Variants in CASK observed in about 807,000 individuals in gnomAD.
The protein encoded by CASK is calcium/calmodulin dependent serine protein kinase, also known as peripheral plasma membrane protein CASK.
Under a neutral mutation model 82.9 loss-of-function variants are expected in CASK, and 4 were observed. The observed-to-expected ratio is 0.05, with a 90% CI of 0.02 to 0.11. The LOEUF is 0.11. Among genes scored for constraint, CASK ranks in the 10% least tolerant of loss-of-function variants. The pLI, the probability that CASK is intolerant of heterozygous loss-of-function variation, is 1.00. For missense variants in CASK, 358 were observed against 720.9 expected (o/e 0.50, Z 5.76); for synonymous variants, 259 against 253.5 (o/e 1.02, Z -0.20).
Position 41,641,632 on chromosome X carries a change from C to CT in CASK, c.832-4972dup, listed in dbSNP as rs767974605. On this transcript the variant is annotated intron_variant, in intron 8 of 26. Transcript: ENST00000378163. ...TATTACTTGGTCTAACACTCAAATT[C>CT]TTTTTTGATGTGAAATAAGTGAATA... is the stretch of plus-strand genomic sequence containing the variant. Among the ~76,000 whole-genome samples the CT allele has an allele frequency of 2.7e-5, 3 of 111,403 alleles. No homozygotes were observed. In the South Asian group the frequency reaches 1.1e-3, roughly 42 times the overall value.
chrX:41,623,601 G>C (rs1362524172), intron 10 of CASK, among the ~76,000 whole-genome samples: 2 of 110,661 alleles, frequency 1.8e-5, no homozygotes, highest in African/African-American at 6.6e-5. Context: ...AGTAGAGATG[G>C]GGGTTTCACC....
rs1474672635 is a variant in CASK at position 41,516,483 on chromosome X, G to A, written c.*3937C>T. The A allele has an allele frequency of 8.9e-6, 1 of 112,853 alleles. No individual in the cohort carries two copies. Among genetic ancestry groups the A allele is most frequent in the Non-Finnish European group, 1.9e-5 (1 of 53,406 alleles). 9.3% of individuals were successfully genotyped at this position (112,853 alleles called of 1,213,427 possible). A position where few individuals can be genotyped will look rare whatever the true frequency, so the allele number is the denominator to read the frequency against. On this transcript the variant is annotated 3_prime_UTR_variant, in exon 27 of 27. Transcript: ENST00000378163. ...GCTTGTAGCCTTTCTGTAAGCTGCA[G>A]TGAGAAGGAAAGCATCTTTTAATAG...
chrX:41,794,436 A>T (rs2069801390), intron 2 of CASK, among the ~76,000 whole-genome samples: 1 of 112,467 alleles, frequency 8.9e-6, no homozygotes, highest in Non-Finnish European at 1.9e-5. Context: ...AGTTTGTCTA[A>T]AAGGTGCAAT....
At chrX:41,784,291 AAG>A (rs2069538699) in intron 3 of CASK, among the ~76,000 whole-genome samples, 1 of 112,042 alleles carries the variant, frequency 8.9e-6, no homozygotes, top group Admixed American at 9.5e-5. Context: ...AAGCAAAACA[AAG>A]AGAGTTTGAG....
At chrX:41,531,577 T>TA (rs2064804621) in intron 24 of CASK, among the ~76,000 whole-genome samples, 2 of 111,677 alleles carry the variant, frequency 1.8e-5, no homozygotes, top group Non-Finnish European at 3.8e-5. Context: ...AAAAGGAGAA[T>TA]AAAAAAATGG....
intron 25 of CASK, among the ~76,000 whole-genome samples, chrX:41,526,559 C>T (rs753423164): frequency 5.3e-5 from 6 of 112,266 alleles, no homozygotes; most frequent in Non-Finnish European, 9.4e-5. Context: ...GCACTGCATT[C>T]ACACCCTTGG....
chrX:41,733,872 C>A (rs1024826630), intron 5 of CASK, among the ~76,000 whole-genome samples: 24 of 111,602 alleles, frequency 2.2e-4, no homozygotes, highest in African/African-American at 7.2e-4. Context: ...GTAAAAGAAA[C>A]ATCAGTAACG....
chrX:41,624,304 C>T (rs1362244393), intron 10 of CASK: 2 of 349,395 alleles, frequency 5.7e-6, no homozygotes, highest in Admixed American at 5.7e-5. Context: ...CCTATAAACA[C>T]AACTAGATCC....
chrX:41,626,739 C>G, intron 9 of CASK, 36 bp from the exon 10 acceptor site: 1 of 816,210 alleles, frequency 1.2e-6, no homozygotes, highest in Non-Finnish European at 1.8e-6. Flanking sequence ...ATTATTAAAA[C>G]AAATACACAA....
chrX:41,680,845 G>A (rs1281719997), intron 5 of CASK, among the ~76,000 whole-genome samples: 2 of 110,504 alleles, frequency 1.8e-5, no homozygotes, highest in Non-Finnish European at 1.9e-5. Context: ...AACCTGGGAG[G>A]TGGAGGTTGC....
At chrX:41,749,376 ATTT>A (rs35045589) in intron 3 of CASK, among the ~76,000 whole-genome samples, 1 of 72,385 alleles carries the variant, frequency 1.4e-5, no homozygotes, top group Admixed American at 1.6e-4. Context: ...TTCTTCACCA[ATTT>A]TTTTTTTTTT....
At chrX:41,707,783 C>T (rs2067908452) in intron 5 of CASK, among the ~76,000 whole-genome samples, 1 of 110,886 alleles carries the variant, frequency 9.0e-6, no homozygotes, top group Admixed American at 9.7e-5. Context: ...AGTAACAAAC[C>T]ACTTGTTCTA....
chrX:41,527,258 A>T (rs1483437513), intron 25 of CASK, among the ~76,000 whole-genome samples: 8 of 109,018 alleles, frequency 7.3e-5, no homozygotes, highest in South Asian at 4.0e-4. Context: ...AGAGAGAGAG[A>T]GTGTGTGTGT....
chrX:41,635,296 T>A (rs771716406), intron 9 of CASK, among the ~76,000 whole-genome samples: 1 of 112,214 alleles, frequency 8.9e-6, no homozygotes, highest in African/African-American at 3.2e-5. Context: ...TCAAAATTCA[T>A]ATAAATGTTT....
chrX:41,830,330 C>T (rs1214012246), intron 2 of CASK, among the ~76,000 whole-genome samples: 2 of 111,140 alleles, frequency 1.8e-5, no homozygotes, highest in Non-Finnish European at 3.8e-5. Flanking sequence ...TTTTGTCCAT[C>T]TCTGAGACTT....
At chrX:41,906,172 C>G (rs994388432) in intron 1 of CASK, among the ~76,000 whole-genome samples, 1 of 112,131 alleles carries the variant, frequency 8.9e-6, no homozygotes, top group Non-Finnish European at 1.9e-5. Context: ...TGTTCAGTCA[C>G]TTCTTCCCCT....
chrX:41,531,138 T>C lies in CASK; in HGVS notation c.2389A>G (p.Met797Val). 1.6e-5 allele frequency: 19 copies of C among 1,209,234 alleles called. 1 individual carries two copies. Among genetic ancestry groups the C allele is most frequent in the Non-Finnish European group, 1.8e-5 (16 of 893,009 alleles). ...TACTCGTTATTAGAGATGTCTTGCA[T>C]CATTTGGTCATGAGATACAAAGTAA... ...NYYFVSHDQM[M>V]QDISNNEYLE... Residue 797 changes from methionine to valine, a missense_variant, in exon 25 of 27, where the codon ATG becomes GTG. Around this residue, in one of 5 missense-constraint regions of CASK, gnomAD observed 118 missense variants for 169.4 expected, o/e 0.70. Transcript: ENST00000378163.
chrX:41,613,030 G>A (rs1276890642), intron 11 of CASK, among the ~76,000 whole-genome samples: 1 of 106,067 alleles, frequency 9.4e-6, no homozygotes, highest in Non-Finnish European at 2.0e-5. Flanking sequence ...CCCCCGCCTG[G>A]CCAGCTGCCC....
chrX:41,790,850 A>G (rs2069699205), intron 2 of CASK, among the ~76,000 whole-genome samples: 1 of 112,370 alleles, frequency 8.9e-6, no homozygotes, highest in Admixed American at 9.4e-5. Context: ...CTAAATATGA[A>G]TGTGAATTAA....
Sources: gnomAD v4.1 joint callset for allele counts (sites outside exome capture counted in the v4.1 genomes callset) on GRCh38, gnomAD v4.1.1 for gene constraint, gnomAD v4.1.1 regional missense constraint, MANE v1.5 for transcripts, NCBI Gene and HGNC (gene_info 2026-07-23, HGNC 2026-07-21) for gene names.